Variants in CELSR1 observed in about 807,000 individuals in gnomAD.
CELSR1 encodes the protein adhesion G protein-coupled receptor C1.
In CELSR1, 110 loss-of-function variants were observed where a neutral mutation model predicts 249.1. The ratio of observed to expected loss-of-function variants is 0.44; its 90% CI spans 0.38 to 0.52. The LOEUF (loss-of-function observed/expected upper bound fraction) is 0.52. CELSR1 is among the 20% of genes least tolerant of loss of function. CELSR1 has a pLI of 0.00. For synonymous variants in CELSR1, 2,113 were observed against 1,900.0 expected, an observed-to-expected ratio of 1.11 and a Z score of -2.92; for missense variants, 4,109 against 4,296.4, an observed-to-expected ratio of 0.96 and a Z score of 1.22.
In CELSR1 at chr22:46,517,817, A is replaced by C. The variant is rs923343873; in HGVS notation, c.3544+15810T>G. 6.6e-6 allele frequency among the ~76,000 whole-genome samples: 1 copy of C among 152,090 alleles called. No homozygotes were observed. Among genetic ancestry groups the C allele is most frequent in the Non-Finnish European group, 1.5e-5 (1 of 68,042 alleles). ...CACTTGGCATTGAGACCCAGAGGGA[A>C]AGGGAGGGTGAGCTGTCATCTGAAA... is the stretch of plus-strand genomic sequence containing the variant. On this transcript the variant is annotated intron_variant, in intron 1 of 34. Transcript: ENST00000674500. This position sits in a 1 kb window ranked among gnomAD's most constrained non-coding sequence, Gnocchi z 5.4.
At chr22:46,460,867 G>A (rs1160580395) in intron 2 of CELSR1, among the ~76,000 whole-genome samples, 1 of 152,166 alleles carries the variant, frequency 6.6e-6, no homozygotes, top group Non-Finnish European at 1.5e-5. Context: ...GGATTTCAGG[G>A]ACACGGGAGA....
In CELSR1 at chr22:46,466,361, C is replaced by T. The variant is rs183980128; in HGVS notation, c.3545-2016G>A. Among the ~76,000 whole-genome samples, 14 of 152,344 alleles carry T rather than the reference C, an allele frequency of 9.2e-5. No individual in the cohort carries two copies. In the East Asian group the frequency reaches 2.7e-3, roughly 29 times the overall value. ...CAGGATGTAGCAGGAAACACGTCCT[C>T]CAGTTCCTGGCCCAGGCCCCAAGAG... is the stretch of plus-strand genomic sequence containing the variant. On this transcript the variant is annotated intron_variant, in intron 1 of 34. Coordinates refer to ENST00000674500, the MANE Select transcript of CELSR1 (RefSeq NM_001378328.1).
chr22:46,441,837 A>G lies in CELSR1; in HGVS notation c.4184-2426T>C, dbSNP rs2079753592. ...TGGCAATTTTAAAAGACTAGTGAACATTAAACTTTATTATCCATTTTTAAA... is the reference window on the plus strand; with the variant it reads ...TGGCAATTTTAAAAGACTAGTGAACGTTAAACTTTATTATCCATTTTTAAA... On this transcript the variant is annotated intron_variant, in intron 2 of 34. Coordinates refer to ENST00000674500, the MANE Select transcript of CELSR1 (RefSeq NM_001378328.1). This position sits in a 1 kb window ranked among gnomAD's most constrained non-coding sequence, Gnocchi z 6.1. Among the ~76,000 whole-genome samples the G allele has an allele frequency of 6.6e-6, 1 of 152,240 alleles. No homozygotes were observed. Among genetic ancestry groups the G allele is most frequent in the Non-Finnish European group, 1.5e-5 (1 of 68,050 alleles).
intron 5 of CELSR1, among the ~76,000 whole-genome samples, chr22:46,422,766 CA>C (rs372904848): frequency 1.9e-3 from 186 of 99,224 alleles, no homozygotes; most frequent in Middle Eastern, 5.3e-3. Flanking sequence ...GACTCCATCT[CA>C]AAAAAAAAAA....
chr22:46,508,798 C>T (rs1045933814), intron 1 of CELSR1, among the ~76,000 whole-genome samples: 1 of 152,196 alleles, frequency 6.6e-6, no homozygotes. Context: ...ACGCCTGCCG[C>T]GTGAGAATGG....
At position 46,527,117 on chromosome 22, in the gene CELSR1, G is replaced by A. The variant is rs889624288; in HGVS notation, c.3544+6510C>T. On this transcript the variant is annotated intron_variant, in intron 1 of 34. Transcript: ENST00000674500. The surrounding 1 kb of genome is among the most constrained non-coding windows in gnomAD (Gnocchi z 5.5). Reference sequence around the variant, plus strand: ...TCCTTGGTTTGCTCATCTCTAGGATGGAGGTGGCGACGGTACTTTCCATAC... The same window carrying A: ...TCCTTGGTTTGCTCATCTCTAGGATAGAGGTGGCGACGGTACTTTCCATAC... Among the ~76,000 whole-genome samples the A allele has an allele frequency of 4.6e-5, 7 of 152,188 alleles. No homozygotes were observed. Among genetic ancestry groups the A allele is most frequent in the Non-Finnish European group, 8.8e-5 (6 of 68,032 alleles).
chr22:46,387,368 T>C (rs1407947574), intron 18 of CELSR1, among the ~76,000 whole-genome samples: 1 of 151,394 alleles, frequency 6.6e-6, no homozygotes. Context: ...TAAGGAAGTC[T>C]TTTTGTTTGT....
intron 20 of CELSR1, among the ~76,000 whole-genome samples, chr22:46,382,530 C>T (rs2078990028): frequency 6.6e-6 from 1 of 152,190 alleles, no homozygotes; most frequent in African/African-American, 2.4e-5. Flanking sequence ...CCCGCCTCGG[C>T]CTCCCAAAGT....
chr22:46,396,754 G>T lies in CELSR1; in HGVS notation c.5702-8C>A. Reference sequence around the variant, plus strand: ...AGTTTATTCCAAGGTACCCTGCAAGGACAGAGCCAGCATTACCTCCACCCA... The same window carrying T: ...AGTTTATTCCAAGGTACCCTGCAAGTACAGAGCCAGCATTACCTCCACCCA... On this transcript the variant is annotated splice_polypyrimidine_tract_variant and splice_region_variant and intron_variant, in intron 12 of 34. Coordinates refer to ENST00000674500, the MANE Select transcript of CELSR1 (RefSeq NM_001378328.1). The surrounding 1 kb of genome is among the most constrained non-coding windows in gnomAD (Gnocchi z 6.4). 6.2e-7 allele frequency: 1 copy of T among 1,610,674 alleles called. No individual in the cohort carries two copies. Among genetic ancestry groups the T allele is most frequent in the South Asian group, 1.1e-5 (1 of 90,390 alleles).
At chr22:46,531,019 T>C (rs2080786327) in intron 1 of CELSR1, among the ~76,000 whole-genome samples, 3 of 152,218 alleles carry the variant, frequency 2.0e-5, no homozygotes, top group Admixed American at 6.6e-5. Context: ...CTTCCCCGCA[T>C]TGTTCCTTAA....
In CELSR1 at chr22:46,368,360, G is replaced by A. The variant is rs149726302; in HGVS notation, c.7953-505C>T. Among the ~76,000 whole-genome samples the A allele has an allele frequency of 2.8e-3, 423 of 152,204 alleles. 1 individual carries two copies. Among genetic ancestry groups the A allele is most frequent in the African/African-American group, 1.0e-2 (415 of 41,524 alleles). ...GTGACAGAGCCCGCAAGGTCCACAG[G>A]TCGTGGATGGCACTGAAGACGAGGA... On this transcript the variant is annotated intron_variant, in intron 27 of 34. Transcript: ENST00000674500.
chr22:46,477,291 C>A (rs751884357), intron 1 of CELSR1, among the ~76,000 whole-genome samples: 1 of 152,118 alleles, frequency 6.6e-6, no homozygotes, highest in Admixed American at 6.5e-5. Flanking sequence ...AGGCACCAGC[C>A]GGGACTTCGA....
At chr22:46,379,793 C>G (rs192420070) in intron 22 of CELSR1, among the ~76,000 whole-genome samples, 1 of 152,180 alleles carries the variant, frequency 6.6e-6, no homozygotes, top group African/African-American at 2.4e-5. Flanking sequence ...AGATGCACAA[C>G]GCTCCGCAGA....
chr22:46,449,104 A>C, intron 2 of CELSR1, among the ~76,000 whole-genome samples: 1 of 121,436 alleles, frequency 8.2e-6, no homozygotes, highest in Admixed American at 1.0e-4. Context: ...CCATCCACCC[A>C]TCCATTGTTC....
At chr22:46,501,829 G>A (rs749260196) in intron 1 of CELSR1, among the ~76,000 whole-genome samples, 8 of 152,206 alleles carry the variant, frequency 5.3e-5, no homozygotes, top group Admixed American at 1.3e-4. Context: ...CGCTGGCACA[G>A]TCATGGGCTT....
rs527573754 is a variant in CELSR1, at chr22:46,393,737, C to CAA, written c.5964+403_5964+404dup. On this transcript the variant is annotated intron_variant, in intron 14 of 34. Transcript: ENST00000674500. The surrounding 1 kb of genome is among the most constrained non-coding windows in gnomAD (Gnocchi z 4.1). Reference sequence around the variant, plus strand: ...TGGGCGACACAGCGAGACTCTGTCTCAAAAAAAAAAAAAAAAAGACCAGGA... The same window carrying CAA: ...TGGGCGACACAGCGAGACTCTGTCTCAAAAAAAAAAAAAAAAAAAGACCAGGA... 6.4e-3 allele frequency among the ~76,000 whole-genome samples: 490 copies of CAA among 76,560 alleles called. 5 individuals carry two copies. Among genetic ancestry groups the CAA allele is most frequent in the African/African-American group, 0.018 (369 of 20,262 alleles). The allele number at this position is 76,560 out of a possible 152,430, so 50.2% of individuals were successfully genotyped here. A position where few individuals can be genotyped will look rare whatever the true frequency, so the allele number is the denominator to read the frequency against.
At chr22:46,403,601 G>A (rs143216194) in intron 9 of CELSR1, among the ~76,000 whole-genome samples, 11 of 151,806 alleles carry the variant, frequency 7.2e-5, no homozygotes, top group East Asian at 1.9e-4. Context: ...TGAATACCAC[G>A]ATTAACAAAT....
rs746090518 is a variant in CELSR1 at position 46,445,128 on chromosome 22, G to A, written c.4184-5717C>T. Among the ~76,000 whole-genome samples the A allele has an allele frequency of 1.7e-4, 25 of 150,636 alleles. No homozygotes were observed. The highest frequency in any genetic ancestry group is 5.1e-4 in the African/African-American group (21 of 40,832). On this transcript the variant is annotated intron_variant, in intron 2 of 34. Coordinates refer to ENST00000674500, the MANE Select transcript of CELSR1 (RefSeq NM_001378328.1). This position sits in a 1 kb window ranked among gnomAD's most constrained non-coding sequence, Gnocchi z 4.4. ...GGAGAATCCTTTGAACCCAGGAGGCGGAGTTTGCAGTGAGCCAAGATCACA... is the reference window on the plus strand; with the variant it reads ...GGAGAATCCTTTGAACCCAGGAGGCAGAGTTTGCAGTGAGCCAAGATCACA...
At chr22:46,435,633 G>A (rs894310473) in intron 4 of CELSR1, among the ~76,000 whole-genome samples, 5 of 151,992 alleles carry the variant, frequency 3.3e-5, no homozygotes, top group African/African-American at 1.2e-4. Flanking sequence ...TGATTCCTTG[G>A]TTTCTGAAAA....
Sources: gnomAD v4.1 joint callset for allele counts (sites outside exome capture counted in the v4.1 genomes callset) on GRCh38, gnomAD v4.1.1 for gene constraint, Gnocchi (gnomAD v3.1) non-coding constraint, MANE v1.5 for transcripts, NCBI Gene and HGNC (gene_info 2026-07-23, HGNC 2026-07-21) for gene names.